Variants in MUC22 observed in about 807,000 individuals in gnomAD.
MUC22 encodes mucin-22.
MUC22 carries 24 observed loss-of-function variants against 40.3 expected under a neutral mutation model. That is an observed-to-expected ratio of 0.60 (90% CI 0.43 to 0.84). MUC22 has a LOEUF of 0.84. Among genes scored for constraint, MUC22 ranks in the 40% least tolerant of loss-of-function variants. The pLI is 0.00. For synonymous variants in MUC22, 765 were observed against 844.5 expected (o/e 0.91, Z 1.63); for missense variants, 1,926 against 2,130.7 (o/e 0.90, Z 1.89).
At chr6:31,014,452 T>C (rs1211725191) in intron 1 of MUC22, among the ~76,000 whole-genome samples, 1 of 152,192 alleles carries the variant, frequency 6.6e-6, no homozygotes, top group Non-Finnish European at 1.5e-5. Flanking sequence ...CTGCAATCTG[T>C]ATTCAGCAAC....
upstream of MUC22, among the ~76,000 whole-genome samples, chr6:31,007,881 C>G (rs1245008259): frequency 1.3e-5 from 2 of 152,208 alleles, no homozygotes; most frequent in African/African-American, 4.8e-5. This position sits in a 1 kb window ranked among gnomAD's most constrained non-coding sequence, Gnocchi z 4.0. Flanking sequence ...GTTCTCGGAC[C>G]AGTCAGCTCC....
At chr6:31,019,141 C>T (rs1162086182) in intron 1 of MUC22, among the ~76,000 whole-genome samples, 1 of 152,216 alleles carries the variant, frequency 6.6e-6, no homozygotes, top group Non-Finnish European at 1.5e-5. Flanking sequence ...ATATTTCCAA[C>T]TTCCACTTCA....
At chr6:31,029,738 C>T in exon 2 of MUC22, 3 of 1,530,774 alleles carry the variant, frequency 2.0e-6, no homozygotes, top group Non-Finnish European at 2.6e-6. Flanking sequence ...TCTGAGACCA[C>T]CACAGCCTCC....
rs770570097 is a variant in MUC22 at position 31,026,874 on chromosome 6, C to T, written c.1443C>T (p.Thr481=). Residue 481 remains threonine (T), a synonymous_variant, in exon 2 of 4, where the codon ACC becomes ACT. Coordinates refer to ENST00000561890, the Ensembl canonical transcript of MUC22. Reference sequence around the variant, plus strand: ...ATTCTGAGACGACTGCAGCCTCCACCATGGGCTCTGAGACCACCAAAGTCT... The same window carrying T: ...ATTCTGAGACGACTGCAGCCTCCACTATGGGCTCTGAGACCACCAAAGTCT... 4.1e-6 allele frequency: 6 copies of T among 1,480,942 alleles called. 1 individual carries two copies. Among genetic ancestry groups the T allele is most frequent in the South Asian group, 2.5e-5 (2 of 80,932 alleles). 91.7% of individuals were successfully genotyped at this position (1,480,942 alleles called of 1,614,324 possible).
intron 1 of MUC22, among the ~76,000 whole-genome samples, chr6:31,018,759 ATC>A (rs1023298836): frequency 6.6e-6 from 1 of 152,246 alleles, no homozygotes; most frequent in African/African-American, 2.4e-5. Flanking sequence ...ATCTTACTTG[ATC>A]TCTCTGCAAA....
chr6:31,010,694 G>A (rs1285114858), exon 1 of MUC22: 4 of 702,374 alleles, frequency 5.7e-6, no homozygotes, highest in Non-Finnish European at 1.0e-5. Flanking sequence ...ACTTCTATGT[G>A]CATCATTTAG....
chr6:31,028,769 C>T, exon 2 of MUC22: 1 of 1,532,696 alleles, frequency 6.5e-7, no homozygotes, highest in South Asian at 1.2e-5. Flanking sequence ...ACTGAAGGCT[C>T]TGAGACCACC....
intron 2 of MUC22, among the ~76,000 whole-genome samples, chr6:31,030,654 C>G (rs1765996802): frequency 6.6e-6 from 1 of 151,508 alleles, no homozygotes; most frequent in Non-Finnish European, 1.5e-5. Flanking sequence ...TCATATCTGT[C>G]ACATCTTCCT....
chr6:31,029,593 G>A (rs2150803817), exon 2 of MUC22: 2 of 1,534,390 alleles, frequency 1.3e-6, no homozygotes, highest in South Asian at 1.2e-5. Context: ...GACCACCACA[G>A]CCTCTACCAC....
exon 2 of MUC22, chr6:31,027,705 C>T (rs1765553906): frequency 1.3e-6 from 2 of 1,533,118 alleles, no homozygotes; most frequent in Non-Finnish European, 8.7e-7. Flanking sequence ...CCACCACAGC[C>T]TCTACTGAAG....
At chr6:31,022,843 C>T (rs556572161) in intron 1 of MUC22, among the ~76,000 whole-genome samples, 244 of 152,232 alleles carry the variant, frequency 1.6e-3, no homozygotes, top group African/African-American at 5.5e-3. Flanking sequence ...TCAAAAATGA[C>T]TCAGGTCATG....
At chr6:31,031,067 G>A (rs1037549945) in intron 2 of MUC22, among the ~76,000 whole-genome samples, 19 of 152,192 alleles carry the variant, frequency 1.2e-4, no homozygotes, top group African/African-American at 1.9e-4. Context: ...TCAGCAAGCC[G>A]GTTACATCTG....
At chr6:31,017,083 C>T (rs12204688) in intron 1 of MUC22, among the ~76,000 whole-genome samples, 2,279 of 152,280 alleles carry the variant, frequency 0.015, 39 homozygotes, top group East Asian at 0.056. Context: ...GCCTCCCCCA[C>T]GCCGCCATGG....
exon 2 of MUC22, chr6:31,029,748 C>G (rs775359757): frequency 1.7e-5 from 26 of 1,504,288 alleles, no homozygotes; most frequent in Non-Finnish European, 2.3e-5. Flanking sequence ...CCACAGCCTC[C>G]ACTGCAGGCT....
At chr6:31,006,472 TA>T (rs1763528941), upstream of MUC22, among the ~76,000 whole-genome samples, 1 of 152,160 alleles carries the variant, frequency 6.6e-6, no homozygotes, top group Admixed American at 6.5e-5. Flanking sequence ...GGCGTGAAAC[TA>T]CTGTATATGA....
chr6:31,026,372 G>A lies in MUC22; in HGVS notation c.941G>A (p.Gly314Asp). The A allele has an allele frequency of 1.3e-6, 2 of 1,506,412 alleles. No homozygotes were observed. Among genetic ancestry groups the A allele is most frequent in the Non-Finnish European group, 1.8e-6 (2 of 1,128,690 alleles). 93.3% of individuals were successfully genotyped at this position (1,506,412 alleles called of 1,614,324 possible). A position where few individuals can be genotyped will look rare whatever the true frequency, so the allele number is the denominator to read the frequency against. ...CAGACCACCATAGTCTCTATTTCAG[G>A]TTCTGAGATCACCACCACCTCTACG... Residue 314 changes from glycine (G) to aspartate (D), a missense_variant, in exon 2 of 4, where the codon GGT becomes GAT. By Grantham distance (94) the Gly-to-Asp change is moderately conservative (BLOSUM62 -1). Around this residue, in one of 3 missense-constraint regions of MUC22, gnomAD observed 1,281 missense variants for 1,337.8 expected, o/e 0.96. Transcript: ENST00000561890.
intron 1 of MUC22, among the ~76,000 whole-genome samples, chr6:31,022,695 G>A (rs1764960621): frequency 6.6e-6 from 1 of 152,180 alleles, no homozygotes; most frequent in South Asian, 2.1e-4. Flanking sequence ...ACTGTGTTGA[G>A]ACTCTCATGC....
In MUC22 at chr6:31,032,310, C is replaced by G; in HGVS notation, c.4784C>G (p.Thr1595Ser). Residue 1595 changes from threonine (T) to serine (S), a missense_variant, in exon 3 of 4, where the codon ACC becomes AGC. Coordinates refer to ENST00000561890, the Ensembl canonical transcript of MUC22. The surrounding 1 kb of genome is among the most constrained non-coding windows in gnomAD (Gnocchi z 4.1). ...ACTGTGCCAGGAATAGTCTTAAACA[C>G]CTCTGGCCTGGGTACATCCACTATG... is the stretch of plus-strand genomic sequence containing the variant. 1 of 1,535,670 alleles carries G rather than the reference C, an allele frequency of 6.5e-7. No individual in the cohort carries two copies. The highest frequency in any genetic ancestry group is 2.4e-5 in the East Asian group (1 of 40,916).
chr6:31,019,441 T>C (rs559226985), intron 1 of MUC22, among the ~76,000 whole-genome samples: 59 of 152,372 alleles, frequency 3.9e-4, no homozygotes, highest in Admixed American at 2.2e-3. Flanking sequence ...TCAATTTTGT[T>C]TTCTACTTTC....
Sources: allele counts gnomAD v4.1 joint callset (sites outside exome capture counted in the v4.1 genomes callset), GRCh38; gene constraint gnomAD v4.1.1; regional missense constraint gnomAD v4.1.1; non-coding constraint Gnocchi (gnomAD v3.1); transcripts MANE v1.5; gene names NCBI Gene and HGNC (gene_info 2026-07-23, HGNC 2026-07-21).